Variants in DARS2 observed in about 807,000 individuals in gnomAD.
DARS2 encodes aspartyl-tRNA synthetase 2, mitochondrial.
Under a neutral mutation model 83.0 loss-of-function variants are expected in DARS2, and 63 were observed. The observed-to-expected ratio is 0.76, with a 90% CI of 0.62 to 0.94. The LOEUF (loss-of-function observed/expected upper bound fraction) is 0.94. DARS2 is among the 40% of genes least tolerant of loss of function. DARS2 has a pLI of 0.00. For synonymous variants in DARS2, 250 were observed against 269.3 expected, an observed-to-expected ratio of 0.93 and a Z score of 0.70; for missense variants, 675 against 774.4, an observed-to-expected ratio of 0.87 and a Z score of 1.52.
At chr1:173,829,727 G>C (rs1001049257) in intron 3 of DARS2, among the ~76,000 whole-genome samples, 2 of 151,978 alleles carry the variant, frequency 1.3e-5, no homozygotes, top group Non-Finnish European at 2.9e-5. Context: ...GACCAACATG[G>C]TGAAACCCCG....
chr1:173,853,683 T>C (rs1464077253), intron 14 of DARS2, 112 bp from the exon 15 acceptor site: 6 of 1,505,974 alleles, frequency 4.0e-6, no homozygotes, highest in Non-Finnish European at 5.5e-6. Context: ...GAAGAAATTG[T>C]GGAGTTTGAG....
chr1:173,857,898 A>G lies in DARS2; in HGVS notation c.*193A>G. The G allele has an allele frequency of 1.5e-6, 1 of 649,732 alleles. No homozygotes were observed. Among genetic ancestry groups the G allele is most frequent in the South Asian group, 1.9e-5 (1 of 52,376 alleles). 40.2% of individuals were successfully genotyped at this position (649,732 alleles called of 1,614,324 possible). ...CAATTTTGACTTGATTTCATGCATC[A>G]TTTGGATTTTTTTTGGTTAGGACTT... On this transcript the variant is annotated 3_prime_UTR_variant, in exon 17 of 17. Coordinates refer to ENST00000649689, the MANE Select transcript of DARS2 (RefSeq NM_018122.5).
chr1:173,853,699 A>G, intron 14 of DARS2, 96 bp from the exon 15 acceptor site: 17 of 1,473,008 alleles, frequency 1.2e-5, no homozygotes, highest in Non-Finnish European at 1.6e-5. Context: ...TTGAGTTAGT[A>G]GTAATACATT....
intron 2 of DARS2, 84 bp from the exon 3 acceptor site, chr1:173,828,249 G>A (rs1197712696): frequency 7.4e-7 from 1 of 1,354,564 alleles, no homozygotes; most frequent in African/African-American, 1.5e-5. Flanking sequence ...ATGGATTTTT[G>A]TTTGCTTTTT....
rs1285444004 is a variant in DARS2 at position 173,837,040 on chromosome 1, T to C, written c.764T>C (p.Leu255Ser). 6.2e-7 allele frequency: 1 copy of C among 1,613,654 alleles called. No individual in the cohort carries two copies. Among genetic ancestry groups the C allele is most frequent in the Non-Finnish European group, 8.5e-7 (1 of 1,179,648 alleles). The change falls in exon 8 of 17, where the codon TTA becomes TCA. Residue 255 changes from leucine (L) to serine (S), a missense_variant. Transcript: ENST00000649689. ...AAGCAACTTCTGATGGTTGGCGGTT[T>C]AGACAGGTGAGCTTTTTTTATGCTA... ...QFKQLLMVGG[L>S]DRYFQVARCY...
chr1:173,830,675 A>G lies in DARS2; in HGVS notation c.310A>G (p.Lys104Glu), dbSNP rs1346598586. Residue 104 changes from lysine (K) to glutamate (E), a missense_variant, in exon 4 of 17, where the codon AAG becomes GAG. Lys to Glu is a moderately conservative substitution (Grantham distance 56). Coordinates refer to ENST00000649689, the MANE Select transcript of DARS2 (RefSeq NM_018122.5). ...IPQDESAASV[K>E]KILCEAPVES... ...TGTTCTGTAGTCGGCAGCCTCTGTG[A>G]AGAAGATTTTATGTGAAGCCCCTGT... The G allele has an allele frequency of 1.9e-6, 3 of 1,613,788 alleles. No homozygotes were observed. Among genetic ancestry groups the G allele is most frequent in the Admixed American group, 1.7e-5 (1 of 59,996 alleles).
chr1:173,839,919 T>C (rs1298231875), intron 10 of DARS2, among the ~76,000 whole-genome samples: 1 of 152,160 alleles, frequency 6.6e-6, no homozygotes, highest in Non-Finnish European at 1.5e-5. Flanking sequence ...CTCAAACATA[T>C]GACAATGTTT....
chr1:173,835,858 C>T (rs1009901493), intron 7 of DARS2, among the ~76,000 whole-genome samples: 1 of 151,760 alleles, frequency 6.6e-6, no homozygotes, highest in Non-Finnish European at 1.5e-5. Flanking sequence ...GTTTAAGACC[C>T]GCCTGACCAA....
chr1:173,834,580 C>G (rs1652907347), intron 7 of DARS2, 61 bp downstream of exon 7: 2 of 1,366,036 alleles, frequency 1.5e-6, no homozygotes, highest in Admixed American at 3.4e-5. Context: ...AGCTAGACTA[C>G]TTTGCTTTTA....
At chr1:173,844,913 C>A (rs1256068609) in intron 11 of DARS2, among the ~76,000 whole-genome samples, 2 of 147,266 alleles carry the variant, frequency 1.4e-5, no homozygotes, top group African/African-American at 2.5e-5. Context: ...CCTGCCTCAA[C>A]CTCCCGAGTA....
In DARS2 at chr1:173,825,216, C is replaced by A; in HGVS notation, c.-14C>A. 1 of 1,610,390 alleles carries A rather than the reference C, an allele frequency of 6.2e-7. No individual in the cohort carries two copies. The highest frequency in any genetic ancestry group is 1.1e-5 in the South Asian group (1 of 91,042). On this transcript the variant is annotated 5_prime_UTR_variant, in exon 1 of 17. Coordinates refer to ENST00000649689, the MANE Select transcript of DARS2 (RefSeq NM_018122.5). ...GGATTTCGTGATTGTTTTTCGCCAT[C>A]GTGTGGCTCCAACATGTACTTCCCT...
At chr1:173,851,870 T>TAATC in intron 13 of DARS2, 11 of 985,432 alleles carry the variant, frequency 1.1e-5, no homozygotes, top group Non-Finnish European at 1.3e-5. Context: ...AAGCTAAATG[T>TAATC]AATCCCCCGT....
In DARS2 at chr1:173,853,333, CG is replaced by C. The variant is rs1653744707; in HGVS notation, c.1345-15del. On this transcript the variant is annotated splice_polypyrimidine_tract_variant and intron_variant, in intron 13 of 16. Coordinates refer to ENST00000649689, the MANE Select transcript of DARS2 (RefSeq NM_018122.5). Reference sequence around the variant, plus strand: ...TGTCAAGAAGTTAACTCAATGTTTACGTCTTCTGTTTGCAGTGCTCTTTGTT... The same window carrying C: ...TGTCAAGAAGTTAACTCAATGTTTACTCTTCTGTTTGCAGTGCTCTTTGTT... 3 of 1,610,702 alleles carry C rather than the reference CG, an allele frequency of 1.9e-6. No homozygotes were observed. In the Admixed American group the frequency reaches 5.0e-5, roughly 27 times the overall value.
At chr1:173,849,862 T>A (rs1379665969) in intron 12 of DARS2, among the ~76,000 whole-genome samples, 1 of 44,374 alleles carries the variant, frequency 2.3e-5, no homozygotes, top group East Asian at 1.2e-3. Flanking sequence ...TTGAAATGAC[T>A]TTTTTTTTTT....
intron 5 of DARS2, among the ~76,000 whole-genome samples, chr1:173,832,519 C>G (rs933387811): frequency 3.9e-5 from 6 of 152,060 alleles, no homozygotes; most frequent in Non-Finnish European, 5.9e-5. Flanking sequence ...ACCTGTAATC[C>G]CAGCACTTTG....
chr1:173,842,347 G>C (rs1041297343), intron 11 of DARS2, among the ~76,000 whole-genome samples: 3 of 122,254 alleles, frequency 2.5e-5, no homozygotes, highest in African/African-American at 9.3e-5. Context: ...CGCCCAGGCT[G>C]GAGTGCAGTG....
At chr1:173,832,881 A>G (rs916593895) in intron 5 of DARS2, among the ~76,000 whole-genome samples, 1 of 151,882 alleles carries the variant, frequency 6.6e-6, no homozygotes, top group Non-Finnish European at 1.5e-5. Flanking sequence ...TCAGCGTCCC[A>G]TTCAGGTGAA....
At chr1:173,847,048 A>G (rs983333490) in intron 12 of DARS2, among the ~76,000 whole-genome samples, 48 of 152,188 alleles carry the variant, frequency 3.2e-4, no homozygotes, top group African/African-American at 1.1e-3. Context: ...ACCTACCTCT[A>G]CTACCACTAT....
At chr1:173,829,357 A>G (rs1416063152) in intron 3 of DARS2, among the ~76,000 whole-genome samples, 1 of 152,142 alleles carries the variant, frequency 6.6e-6, no homozygotes, top group Non-Finnish European at 1.5e-5. Context: ...TTTTTACTAT[A>G]TCTTTTTGTA....
Sources: gnomAD v4.1 joint callset for allele counts (sites outside exome capture counted in the v4.1 genomes callset) on GRCh38, gnomAD v4.1.1 for gene constraint, MANE v1.5 for transcripts, NCBI Gene and HGNC (gene_info 2026-07-23, HGNC 2026-07-21) for gene names.